The following ERBB4 variants were observed in gnomAD, a reference collection of about 807,000 sequenced individuals.
ERBB4 encodes receptor tyrosine-protein kinase erbB-4.
In ERBB4, 42 loss-of-function variants were observed where a neutral mutation model predicts 158.0. The observed-to-expected ratio is 0.27, with a 90% CI of 0.21 to 0.34. ERBB4 has a LOEUF of 0.34. Ranked by LOEUF, ERBB4 falls within the 10% of genes least tolerant of loss-of-function variation. ERBB4 has a pLI of 1.00. For missense variants in ERBB4, 1,333 were observed against 1,624.1 expected (o/e 0.82, Z 3.08); for synonymous variants, 583 against 558.7 (o/e 1.04, Z -0.61).
At chr2:211,441,257 G>A (rs2063968130) in intron 20 of ERBB4, among the ~76,000 whole-genome samples, 1 of 151,956 alleles carries the variant, frequency 6.6e-6, no homozygotes, top group African/African-American at 2.4e-5. Context: ...TTGCACCTTG[G>A]CTCATTTTCT....
intron 16 of ERBB4, among the ~76,000 whole-genome samples, chr2:211,644,083 A>G (rs758485406): frequency 6.6e-6 from 1 of 152,022 alleles, no homozygotes; most frequent in African/African-American, 2.4e-5. Context: ...AACCCAAGGA[A>G]AAAATGAGAG....
chr2:211,579,588 T>C (rs1186304816), intron 19 of ERBB4, among the ~76,000 whole-genome samples: 3 of 152,076 alleles, frequency 2.0e-5, no homozygotes, highest in Non-Finnish European at 4.4e-5. Context: ...GAAAATGTGA[T>C]ACATATTCAC....
intron 25 of ERBB4, among the ~76,000 whole-genome samples, chr2:211,411,198 C>T (rs765192613): frequency 7.9e-5 from 12 of 152,276 alleles, no homozygotes; most frequent in South Asian, 2.1e-4. Flanking sequence ...TGAGCCACCA[C>T]GCCCAGCCTA....
intron 1 of ERBB4, among the ~76,000 whole-genome samples, chr2:212,447,848 T>C (rs1239924590): frequency 6.6e-6 from 1 of 151,778 alleles, no homozygotes; most frequent in East Asian, 1.9e-4. Context: ...TCAACATTGG[T>C]CTTCAAACTG....
At chr2:212,508,005 C>A (rs1382107495) in intron 1 of ERBB4, among the ~76,000 whole-genome samples, 1 of 152,108 alleles carries the variant, frequency 6.6e-6, no homozygotes, top group Non-Finnish European at 1.5e-5. Context: ...ATTGCCACAG[C>A]CACCACAACC....
intron 17 of ERBB4, among the ~76,000 whole-genome samples, chr2:211,624,742 T>G (rs1265571868): frequency 6.6e-6 from 1 of 152,132 alleles, no homozygotes; most frequent in Non-Finnish European, 1.5e-5. Context: ...TCCTAAAGAA[T>G]GTACACTTTA....
intron 3 of ERBB4, among the ~76,000 whole-genome samples, chr2:211,947,191 G>C (rs2080723976): frequency 6.6e-6 from 1 of 152,048 alleles, no homozygotes; most frequent in Non-Finnish European, 1.5e-5. Context: ...AGCATTTCCA[G>C]AGTTTACTCC....
intron 1 of ERBB4, among the ~76,000 whole-genome samples, chr2:212,519,996 T>C (rs921792651): frequency 6.6e-6 from 1 of 151,980 alleles, no homozygotes; most frequent in African/African-American, 2.4e-5. Context: ...TTATACAACA[T>C]ATGCAGGTAC....
At chr2:212,425,337 G>T (rs1017679230) in intron 1 of ERBB4, among the ~76,000 whole-genome samples, 2,674 of 132,930 alleles carry the variant, frequency 0.02, 63 homozygotes, top group Admixed American at 0.027. Flanking sequence ...AATATATAAG[G>T]ATACATATAT....
intron 19 of ERBB4, among the ~76,000 whole-genome samples, chr2:211,581,050 T>C (rs1240842845): frequency 6.6e-6 from 1 of 150,932 alleles, no homozygotes; most frequent in African/African-American, 2.4e-5. Flanking sequence ...CTCACTCATA[T>C]GTGGAACCTA....
chr2:212,474,192 C>A lies in ERBB4; in HGVS notation c.82+64257G>T, dbSNP rs955251717. On this transcript the variant is annotated intron_variant, in intron 1 of 27. Coordinates refer to ENST00000342788, the MANE Select transcript of ERBB4 (RefSeq NM_005235.3). ...ATGGACCAATATGACTCAAAAAATA[C>A]AGGCAAAATAGTGATTTTTTTTTTT... Among the ~76,000 whole-genome samples, 7 of 150,672 alleles carry A rather than the reference C, an allele frequency of 4.6e-5. 1 individual carries two copies. The East Asian group carries it at 1.4e-3, about 29-fold the overall frequency.
At chr2:211,743,768 C>G (rs1171940551) in intron 5 of ERBB4, among the ~76,000 whole-genome samples, 1 of 152,164 alleles carries the variant, frequency 6.6e-6, no homozygotes, top group Admixed American at 6.5e-5. Flanking sequence ...TTTACTTAAG[C>G]TGTGCTGTGG....
intron 20 of ERBB4, among the ~76,000 whole-genome samples, chr2:211,493,724 C>T (rs533291041): frequency 1.3e-5 from 2 of 152,126 alleles, no homozygotes; most frequent in Non-Finnish European, 2.9e-5. Flanking sequence ...AGGAAACAAT[C>T]ACTTTTCAGA....
chr2:211,755,920 G>A (rs899748547), intron 4 of ERBB4, among the ~76,000 whole-genome samples: 6 of 152,322 alleles, frequency 3.9e-5, no homozygotes, highest in East Asian at 1.9e-4. Context: ...TAAAGGCAAC[G>A]CAGTTACATC....
chr2:211,881,357 T>C (rs191280425), intron 3 of ERBB4, among the ~76,000 whole-genome samples: 33 of 152,246 alleles, frequency 2.2e-4, no homozygotes, highest in African/African-American at 7.7e-4. Context: ...GAAATTATTT[T>C]TTTGCTAACA....
At chr2:211,698,391 T>C (rs942656105) in intron 12 of ERBB4, among the ~76,000 whole-genome samples, 1 of 151,628 alleles carries the variant, frequency 6.6e-6, no homozygotes, top group Non-Finnish European at 1.5e-5. Context: ...TTATACTATA[T>C]TAAGTATAAG....
At chr2:212,241,977 TGA>T (rs1491245578) in intron 1 of ERBB4, among the ~76,000 whole-genome samples, 21 of 152,028 alleles carry the variant, frequency 1.4e-4, no homozygotes, top group Admixed American at 3.3e-4. Context: ...ATTTGATGAA[TGA>T]AAAAAAATTC....
intron 2 of ERBB4, among the ~76,000 whole-genome samples, chr2:211,981,790 C>T (rs970960357): frequency 6.6e-6 from 1 of 152,118 alleles, no homozygotes; most frequent in African/African-American, 2.4e-5. Context: ...TTTGCATTTG[C>T]CTCTGAAATC....
At chr2:211,574,587 T>C (rs1879532) in intron 19 of ERBB4, among the ~76,000 whole-genome samples, 6,286 of 152,130 alleles carry the variant, frequency 0.041, 360 homozygotes, top group African/African-American at 0.13. Context: ...TCAGAATTGA[T>C]GTGAAAAATT....
Sources: allele counts gnomAD v4.1 joint callset (sites outside exome capture counted in the v4.1 genomes callset), GRCh38; gene constraint gnomAD v4.1.1; transcripts MANE v1.5; gene names NCBI Gene and HGNC (gene_info 2026-07-23, HGNC 2026-07-21).